The following EYS variants were observed in gnomAD, a reference collection of about 807,000 sequenced individuals.
EYS encodes the protein protein eyes shut homolog.
Under a neutral mutation model 282.1 loss-of-function variants are expected in EYS, and 250 were observed. That is an observed-to-expected ratio of 0.89 (90% confidence interval 0.80 to 0.98). The LOEUF (loss-of-function observed/expected upper bound fraction) is 0.98. EYS is among the 50% of genes least tolerant of loss of function. The probability of loss-of-function intolerance (pLI) is 0.00; values close to 1 mark genes in which losing one functional copy is unlikely to be tolerated. For missense variants in EYS, 4,016 were observed against 3,709.0 expected, an observed-to-expected ratio of 1.08 and a Z score of -2.15; for synonymous variants, 1,355 against 1,282.9, an observed-to-expected ratio of 1.06 and a Z score of -1.20.
intron 5 of EYS, among the ~76,000 whole-genome samples, chr6:65,436,423 A>AT (rs1287010903): frequency 1.3e-5 from 2 of 152,120 alleles, no homozygotes; most frequent in African/African-American, 4.8e-5. Context: ...TCAAAGCCAT[A>AT]TGAAAGGACT....
intron 28 of EYS, among the ~76,000 whole-genome samples, chr6:64,410,043 G>A (rs1445638882): frequency 6.6e-6 from 1 of 152,000 alleles, no homozygotes; most frequent in East Asian, 1.9e-4. Context: ...TACTCTTGGG[G>A]CATTTATAAT....
intron 35 of EYS, among the ~76,000 whole-genome samples, chr6:63,897,574 C>T (rs1773565671): frequency 6.6e-6 from 1 of 152,144 alleles, no homozygotes; most frequent in African/African-American, 2.4e-5. Flanking sequence ...ATGAGTGTGC[C>T]ATAAGCCATC....
At chr6:64,009,971 G>A (rs1312007732) in intron 33 of EYS, among the ~76,000 whole-genome samples, 1 of 151,506 alleles carries the variant, frequency 6.6e-6, no homozygotes, top group Admixed American at 6.6e-5. Context: ...GTACAAAGTG[G>A]GTTCAGTTAA....
chr6:64,019,429 T>TC (rs59454013), intron 33 of EYS, among the ~76,000 whole-genome samples: 68 of 151,774 alleles, frequency 4.5e-4, no homozygotes, highest in African/African-American at 1.6e-3. Context: ...TTTATTTTTT[T>TC]AAACGGAGTC....
chr6:65,449,339 AC>A (rs1226359813), intron 5 of EYS, among the ~76,000 whole-genome samples: 4 of 152,104 alleles, frequency 2.6e-5, no homozygotes, highest in Non-Finnish European at 5.9e-5. Flanking sequence ...CAGGTGAAGA[AC>A]TTTCTAATTA....
intron 8 of EYS, among the ~76,000 whole-genome samples, chr6:65,377,718 A>G (rs1241641926): frequency 1.3e-5 from 2 of 152,148 alleles, no homozygotes; most frequent in Non-Finnish European, 2.9e-5. Context: ...ACAGAAATAA[A>G]AACTACCAAC....
chr6:65,033,044 T>C (rs1490815866), intron 13 of EYS, among the ~76,000 whole-genome samples: 4 of 152,140 alleles, frequency 2.6e-5, no homozygotes, highest in African/African-American at 9.7e-5. Flanking sequence ...CTGCATTCTG[T>C]TCATGCCCTA....
intron 31 of EYS, among the ~76,000 whole-genome samples, chr6:64,229,915 A>G (rs1166999761): frequency 6.6e-6 from 1 of 152,174 alleles, no homozygotes; most frequent in Non-Finnish European, 1.5e-5. Flanking sequence ...TTAGAACTGG[A>G]GATTAGTTGT....
chr6:64,310,570 G>C (rs1056614309), intron 29 of EYS, among the ~76,000 whole-genome samples: 1 of 152,134 alleles, frequency 6.6e-6, no homozygotes, highest in Admixed American at 6.5e-5. Context: ...CATGCACTAG[G>C]TCTATTGCCT....
intron 2 of EYS, among the ~76,000 whole-genome samples, chr6:65,635,279 T>A (rs367887526): frequency 2.6e-5 from 4 of 152,128 alleles, no homozygotes. Context: ...CCCATCTCTA[T>A]AGCCAACACC....
Position 64,813,540 on chromosome 6 carries a change from C to A in EYS, c.3281G>T (p.Cys1094Phe). The change falls in exon 22 of 43, where the codon TGT (cysteine) becomes TTT (phenylalanine). Residue 1094 changes from cysteine (C) to phenylalanine (F), a missense_variant. By Grantham distance (205) the Cys-to-Phe change is radical (BLOSUM62 -2). Coordinates refer to ENST00000503581, the MANE Select transcript of EYS (RefSeq NM_001142800.2). ...TSIPCMNEGFCQKSAHGFTCI... is the reference protein window; with the variant it reads ...TSIPCMNEGFFQKSAHGFTCI... ...AGTAAATCCATGTGCTGACTTCTGA[C>A]AGAAGCCTTCATTCATACAAGGGAT... 1 of 1,549,988 alleles carries A rather than the reference C, an allele frequency of 6.5e-7. No individual in the cohort carries two copies. The highest frequency in any genetic ancestry group is 8.7e-7 in the Non-Finnish European group (1 of 1,145,876).
chr6:65,550,152 T>TACCTCTTATCTCC (rs1768560292), intron 2 of EYS, among the ~76,000 whole-genome samples: 6 of 9,302 alleles, frequency 6.5e-4, no homozygotes, highest in East Asian at 8.9e-3. Context: ...TCTTTTTTTT[T>TACCTCTTATCTCC]TTTTTTTTTT....
At chr6:64,806,171 A>T (rs1583177151) in intron 22 of EYS, among the ~76,000 whole-genome samples, 3 of 151,832 alleles carry the variant, frequency 2.0e-5, no homozygotes, top group Middle Eastern at 4.5e-3. Flanking sequence ...TGAAAATATA[A>T]TCTCTATTTA....
At chr6:63,813,855 T>G in intron 36 of EYS, among the ~76,000 whole-genome samples, 1 of 152,182 alleles carries the variant, frequency 6.6e-6, no homozygotes, top group East Asian at 1.9e-4. Context: ...AATGCCAGTT[T>G]TCCAACCATC....
chr6:64,830,565 A>C (rs1765183776), intron 19 of EYS, among the ~76,000 whole-genome samples: 1 of 151,918 alleles, frequency 6.6e-6, no homozygotes. Context: ...CTAGCCAAGG[A>C]TGAGGGTAAT....
At chr6:64,327,021 G>A (rs1214798278) in intron 29 of EYS, among the ~76,000 whole-genome samples, 1 of 152,122 alleles carries the variant, frequency 6.6e-6, no homozygotes, top group Non-Finnish European at 1.5e-5. Flanking sequence ...GGGCCCACGA[G>A]TCAGAAAGGA....
intron 22 of EYS, among the ~76,000 whole-genome samples, chr6:64,634,573 G>T (rs1435663871): frequency 2.0e-5 from 3 of 147,114 alleles, no homozygotes; most frequent in South Asian, 4.2e-4. Context: ...GAGCCCTAAG[G>T]CACAAAAGTA....
intron 15 of EYS, among the ~76,000 whole-genome samples, chr6:64,938,402 A>G (rs1365560504): frequency 6.6e-6 from 1 of 151,544 alleles, no homozygotes; most frequent in African/African-American, 2.4e-5. Flanking sequence ...TGATTTTTCT[A>G]TTTAATTAGT....
intron 5 of EYS, among the ~76,000 whole-genome samples, chr6:65,447,941 G>A (rs950540514): frequency 2.0e-5 from 3 of 152,010 alleles, no homozygotes; most frequent in Non-Finnish European, 4.4e-5. Context: ...AAGAAGATAG[G>A]ATGCTCAGTT....
Sources: allele counts gnomAD v4.1 joint callset (sites outside exome capture counted in the v4.1 genomes callset), GRCh38; gene constraint gnomAD v4.1.1; transcripts MANE v1.5; gene names NCBI Gene and HGNC (gene_info 2026-07-23, HGNC 2026-07-21).